Variants in QRICH1 observed in about 807,000 individuals in gnomAD.
QRICH1 encodes transcriptional regulator QRICH1.
QRICH1 carries 16 observed loss-of-function variants against 87.1 expected under a neutral mutation model. The ratio of observed to expected loss-of-function variants is 0.18; its 90% CI spans 0.12 to 0.28. The LOEUF is 0.28. QRICH1 is among the 10% of genes least tolerant of loss of function. QRICH1 has a pLI of 1.00. For missense variants in QRICH1, 647 were observed against 951.7 expected, an observed-to-expected ratio of 0.68 and a Z score of 4.21; for synonymous variants, 367 against 368.4, an observed-to-expected ratio of 1.00 and a Z score of 0.05.
chr3:49,066,316 G>T (rs1395006374), intron 2 of QRICH1, among the ~76,000 whole-genome samples: 3 of 151,936 alleles, frequency 2.0e-5, no homozygotes, highest in Non-Finnish European at 2.9e-5. Context: ...GAAAAAAAAA[G>T]AACCACTACT....
intron 2 of QRICH1, among the ~76,000 whole-genome samples, chr3:49,059,810 C>T (rs765648886): frequency 1.2e-4 from 18 of 150,302 alleles, no homozygotes; most frequent in Admixed American, 2.0e-4. Flanking sequence ...CTCTGCATCC[C>T]GGATTCAAGC....
chr3:49,055,164 G>A (rs2093393767), intron 3 of QRICH1, among the ~76,000 whole-genome samples: 1 of 152,088 alleles, frequency 6.6e-6, no homozygotes, highest in Non-Finnish European at 1.5e-5. Flanking sequence ...TGTCACCTAG[G>A]ATAATATGAT....
At chr3:49,032,073 T>G in intron 9 of QRICH1, 110 bp downstream of exon 9, 2 of 908,798 alleles carry the variant, frequency 2.2e-6, no homozygotes. Flanking sequence ...TTTACTTGGT[T>G]TGGGACTAGA....
chr3:49,080,526 G>A (rs1575377938), intron 1 of QRICH1, among the ~76,000 whole-genome samples: 1 of 151,442 alleles, frequency 6.6e-6, no homozygotes, highest in South Asian at 2.1e-4. Flanking sequence ...CAAGAAAAAA[G>A]AAACACCTCA....
chr3:49,040,524 C>G (rs559153724), intron 6 of QRICH1, among the ~76,000 whole-genome samples: 2 of 152,244 alleles, frequency 1.3e-5, no homozygotes, highest in Non-Finnish European at 2.9e-5. Context: ...TACTATAGTG[C>G]AAGCTCCATT....
intron 2 of QRICH1, among the ~76,000 whole-genome samples, chr3:49,060,936 G>T (rs2093430917): frequency 1.3e-5 from 2 of 151,438 alleles, no homozygotes; most frequent in African/African-American, 4.9e-5. Context: ...TTCAAGACCA[G>T]CCTGGCCAAC....
chr3:49,046,602 G>GA (rs768120806), intron 4 of QRICH1, 23 bp from the exon 5 acceptor site: 1 of 1,611,040 alleles, frequency 6.2e-7, no homozygotes. Flanking sequence ...CCTCAAAAAT[G>GA]AATGAAGGTC....
Position 49,030,655 on chromosome 3 carries a change from T to C in QRICH1, c.2139-11A>G, listed in dbSNP as rs2093230680. On this transcript the variant is annotated splice_polypyrimidine_tract_variant and intron_variant, in intron 9 of 9. Transcript: ENST00000395443. ...TTCACACTCTGGGGGCTGAAGAATA[T>C]GCGGATAAAAGTTGGGTACCACCAA... The C allele has an allele frequency of 1.3e-6, 2 of 1,544,168 alleles. No homozygotes were observed. The highest frequency in any genetic ancestry group is 1.7e-6 in the Non-Finnish European group (2 of 1,142,942).
intron 1 of QRICH1, among the ~76,000 whole-genome samples, chr3:49,090,003 T>C (rs916431488): frequency 6.6e-6 from 1 of 152,208 alleles, no homozygotes; most frequent in African/African-American, 2.4e-5. Context: ...TGGATAAATA[T>C]TTCACAAATT....
At chr3:49,085,183 T>C (rs569905029) in intron 1 of QRICH1, among the ~76,000 whole-genome samples, 67 of 152,094 alleles carry the variant, frequency 4.4e-4, no homozygotes, top group African/African-American at 9.6e-4. Context: ...GTGGCTATAG[T>C]GTAGTAATGG....
chr3:49,081,560 G>GT (rs1324726018), intron 1 of QRICH1, among the ~76,000 whole-genome samples: 1 of 152,288 alleles, frequency 6.6e-6, no homozygotes, highest in East Asian at 1.9e-4. Context: ...GAGTGCAGTG[G>GT]TAAGATCTTG....
chr3:49,036,199 T>G (rs1421430629), intron 6 of QRICH1, among the ~76,000 whole-genome samples: 1 of 152,236 alleles, frequency 6.6e-6, no homozygotes, highest in African/African-American at 2.4e-5. Flanking sequence ...ATTAGCCTTA[T>G]AGTTCTGAAT....
chr3:49,042,580 G>GT (rs561712970), intron 6 of QRICH1, among the ~76,000 whole-genome samples: 301 of 145,834 alleles, frequency 2.1e-3, no homozygotes, highest in East Asian at 0.019. Flanking sequence ...GAAAAGGTTT[G>GT]TTTTTTTTTT....
At chr3:49,075,631 C>A (rs2041936062) in intron 2 of QRICH1, among the ~76,000 whole-genome samples, 1 of 150,732 alleles carries the variant, frequency 6.6e-6, no homozygotes, top group South Asian at 2.1e-4. Context: ...AACTCCAACT[C>A]AAAGAAAAAA....
intron 6 of QRICH1, among the ~76,000 whole-genome samples, chr3:49,036,028 G>C (rs1323116692): frequency 6.6e-6 from 1 of 152,210 alleles, no homozygotes; most frequent in Admixed American, 6.5e-5. Context: ...AGAAGTTGCA[G>C]TGAGGCAAGA....
chr3:49,036,261 G>C (rs180920660), intron 6 of QRICH1, among the ~76,000 whole-genome samples: 1 of 152,112 alleles, frequency 6.6e-6, no homozygotes, highest in Non-Finnish European at 1.5e-5. Flanking sequence ...ACAATTTCTA[G>C]TTCTGCCCAC....
chr3:49,079,776 C>A (rs1195665907), intron 1 of QRICH1, among the ~76,000 whole-genome samples: 1 of 152,124 alleles, frequency 6.6e-6, no homozygotes, highest in Admixed American at 6.6e-5. Flanking sequence ...CGCCTGTAAT[C>A]CCAGCACTTT....
rs182239696 is a variant in QRICH1, at chr3:49,080,854, T to C, written c.-21-3816A>G. Among the ~76,000 whole-genome samples, 1,127 of 150,664 alleles carry C rather than the reference T, an allele frequency of 7.5e-3. 10 individuals carry two copies. The highest frequency in any genetic ancestry group is 0.026 in the African/African-American group (1,085 of 41,102). ...ACTCAACTAAGAAAAACCATTATAA[T>C]AGTATAAAAAGATATAAAATAAAAA... On this transcript the variant is annotated intron_variant, in intron 1 of 9. Coordinates refer to ENST00000395443, the MANE Select transcript of QRICH1 (RefSeq NM_198880.3).
intron 2 of QRICH1, among the ~76,000 whole-genome samples, chr3:49,068,245 C>A (rs1436476878): frequency 6.6e-6 from 1 of 151,800 alleles, no homozygotes; most frequent in Admixed American, 6.6e-5. Context: ...TAGTCCCAGC[C>A]ACTCCAGAGG....
Sources: gnomAD v4.1 joint callset for allele counts (sites outside exome capture counted in the v4.1 genomes callset) on GRCh38, gnomAD v4.1.1 for gene constraint, MANE v1.5 for transcripts, NCBI Gene and HGNC (gene_info 2026-07-23, HGNC 2026-07-21) for gene names.